Variants in GNB1L observed in about 807,000 individuals in gnomAD.
The protein encoded by GNB1L is G protein subunit beta 1 like, also known as guanine nucleotide-binding protein subunit beta-like protein 1.
GNB1L carries 20 observed loss-of-function variants against 29.1 expected under a neutral mutation model. That is an observed-to-expected ratio of 0.69 (90% confidence interval 0.48 to 1.00). The LOEUF is 1.00. Among genes scored for constraint, GNB1L ranks in the 50% least tolerant of loss-of-function variants. GNB1L has a pLI of 0.00. For synonymous variants in GNB1L, 193 were observed against 206.5 expected (o/e 0.93, Z 0.56); for missense variants, 421 against 464.9 (o/e 0.91, Z 0.87).
intron 2 of GNB1L, among the ~76,000 whole-genome samples, chr22:19,840,681 G>A (rs1004456323): frequency 6.6e-6 from 1 of 152,058 alleles, no homozygotes; most frequent in Non-Finnish European, 1.5e-5. Context: ...ATGGTGGCAC[G>A]TGCCTGTAAT....
At chr22:19,810,835 C>T (rs1488416863) in intron 5 of GNB1L, among the ~76,000 whole-genome samples, 1 of 152,206 alleles carries the variant, frequency 6.6e-6, no homozygotes, top group Non-Finnish European at 1.5e-5. Flanking sequence ...GGTCCCCAGA[C>T]AGGCTGCCCC....
At chr22:19,838,074 T>A (rs1937796129) in intron 2 of GNB1L, among the ~76,000 whole-genome samples, 1 of 152,246 alleles carries the variant, frequency 6.6e-6, no homozygotes, top group Non-Finnish European at 1.5e-5. Context: ...GCCGCACTTG[T>A]CAAACTGTCC....
In GNB1L at chr22:19,802,167, G is replaced by A. The variant is rs376821599; in HGVS notation, c.566C>T (p.Ser189Leu). The A allele has an allele frequency of 1.2e-5, 20 of 1,613,190 alleles. No homozygotes were observed. Among genetic ancestry groups the A allele is most frequent in the Non-Finnish European group, 1.6e-5 (19 of 1,180,018 alleles). Residue 189 changes from serine to leucine, a missense_variant, in exon 7 of 8, where the codon TCG (serine) becomes TTG (leucine). Ser to Leu is a moderately radical substitution (Grantham distance 145). Coordinates refer to ENST00000329517, the MANE Select transcript of GNB1L (RefSeq NM_053004.3). ...PLLLAGYEDG[S>L]VVLWDVSEQK... ...CTCAGAGACGTCCCACAGGACCACC[G>A]ATCCATCCTCATAGCCGGCCAGAAG...
chr22:19,833,821 A>T (rs1050688418), intron 2 of GNB1L, among the ~76,000 whole-genome samples: 11 of 151,958 alleles, frequency 7.2e-5, no homozygotes, highest in Non-Finnish European at 1.3e-4. Context: ...AGCCGATATC[A>T]TACCACGGCA....
chr22:19,814,009 C>G (rs1056950603), intron 4 of GNB1L, among the ~76,000 whole-genome samples: 1 of 151,970 alleles, frequency 6.6e-6, no homozygotes, highest in African/African-American at 2.4e-5. Flanking sequence ...AAAAAAGGAT[C>G]GGGGATGTCA....
chr22:19,849,590 C>T, intron 2 of GNB1L: 1 of 652,092 alleles, frequency 1.5e-6, no homozygotes, highest in Non-Finnish European at 1.9e-6. Context: ...TGGTCTTGAA[C>T]TCCTGACCTC....
At chr22:19,837,188 G>T (rs191927113) in intron 2 of GNB1L, among the ~76,000 whole-genome samples, 3 of 152,104 alleles carry the variant, frequency 2.0e-5, no homozygotes, top group Non-Finnish European at 4.4e-5. Context: ...GGATGGTGTT[G>T]ATCTCCTGAC....
At chr22:19,811,371 C>T (rs762357932) in intron 5 of GNB1L, among the ~76,000 whole-genome samples, 3 of 152,112 alleles carry the variant, frequency 2.0e-5, no homozygotes, top group African/African-American at 4.8e-5. Flanking sequence ...CCCACGTGTG[C>T]GCCCCCTATT....
intron 2 of GNB1L, 72 bp from the exon 3 acceptor site, chr22:19,821,447 A>C: frequency 1.4e-6 from 2 of 1,434,518 alleles, no homozygotes; most frequent in South Asian, 2.5e-5. Context: ...GCTCAGGCAC[A>C]GGGGTGCTTG....
At chr22:19,848,977 C>T (rs1451598483) in intron 2 of GNB1L, 8 of 985,484 alleles carry the variant, frequency 8.1e-6, no homozygotes, top group Non-Finnish European at 9.6e-6. Context: ...AGCCAGGCCA[C>T]AGTGCACTGG....
At chr22:19,822,673 A>G (rs942970144) in intron 2 of GNB1L, among the ~76,000 whole-genome samples, 3 of 152,208 alleles carry the variant, frequency 2.0e-5, no homozygotes, top group Admixed American at 6.5e-5. Flanking sequence ...CAAGGCAGGG[A>G]GGATGGCCCA....
In GNB1L at chr22:19,806,626, G is replaced by A. The variant is rs577770925; in HGVS notation, c.516+33C>T. ...ATGACTCATGGCCGTGGGTGTGGCCGGCAGGGCGTGGCTGGTGCACGCGGG... is the reference window on the plus strand; with the variant it reads ...ATGACTCATGGCCGTGGGTGTGGCCAGCAGGGCGTGGCTGGTGCACGCGGG... On this transcript the variant is annotated intron_variant, in intron 6 of 7. Coordinates refer to ENST00000329517, the MANE Select transcript of GNB1L (RefSeq NM_053004.3). The A allele has an allele frequency of 5.7e-5, 78 of 1,374,438 alleles. No individual in the cohort carries two copies. The South Asian group carries it at 6.4e-4, about 11-fold the overall frequency. 85.1% of individuals were successfully genotyped at this position (1,374,438 alleles called of 1,614,324 possible). A position where few individuals can be genotyped will look rare whatever the true frequency, so the allele number is the denominator to read the frequency against.
chr22:19,800,167 G>T (rs931300302), intron 7 of GNB1L, among the ~76,000 whole-genome samples: 1 of 152,170 alleles, frequency 6.6e-6, no homozygotes, highest in Non-Finnish European at 1.5e-5. Flanking sequence ...TCATCAATCC[G>T]GTCAAGTTCA....
intron 2 of GNB1L, chr22:19,850,652 G>A: frequency 4.9e-6 from 6 of 1,227,796 alleles, no homozygotes; most frequent in Non-Finnish European, 6.1e-6. Flanking sequence ...ACTTCCTCCA[G>A]GCAGCCTTCC....
In GNB1L at chr22:19,825,380, G is replaced by A. The variant is rs566733259; in HGVS notation, c.-20-4005C>T. 3.9e-5 allele frequency among the ~76,000 whole-genome samples: 6 copies of A among 152,364 alleles called. No homozygotes were observed. The East Asian group carries it at 1.2e-3, about 29-fold the overall frequency. ...CATGCCTATAATCTCAGCACTTTGG[G>A]AGGCCGAGGTGGGAGGATTGCTTGA... On this transcript the variant is annotated intron_variant, in intron 2 of 7. Coordinates refer to ENST00000329517, the MANE Select transcript of GNB1L (RefSeq NM_053004.3).
intron 2 of GNB1L, among the ~76,000 whole-genome samples, chr22:19,838,615 G>A (rs550863887): frequency 2.2e-4 from 33 of 151,882 alleles, no homozygotes; most frequent in East Asian, 7.7e-4. Context: ...GATTACAGAC[G>A]CCTGCCACCG....
intron 7 of GNB1L, among the ~76,000 whole-genome samples, chr22:19,795,772 G>T (rs1028009594): frequency 2.0e-5 from 3 of 152,226 alleles, no homozygotes; most frequent in African/African-American, 7.2e-5. Flanking sequence ...ATTCTCAGCA[G>T]CCCAGGGAGG....
At chr22:19,844,491 A>G (rs1373016358) in intron 2 of GNB1L, among the ~76,000 whole-genome samples, 1 of 152,230 alleles carries the variant, frequency 6.6e-6, no homozygotes, top group Non-Finnish European at 1.5e-5. Context: ...CTCCACAGTC[A>G]GCAGGGGCGC....
In GNB1L at chr22:19,795,915, C is replaced by T. The variant is rs150845020; in HGVS notation, c.732+6086G>A. 3.4e-3 allele frequency among the ~76,000 whole-genome samples: 512 copies of T among 152,176 alleles called. 3 individuals are homozygous for T. The highest frequency in any genetic ancestry group is 5.4e-3 in the Non-Finnish European group (366 of 67,998). Reference sequence around the variant, plus strand: ...CTGCCTGAGGAATCCCTAAAGGATGCGCTTTTTGGCTTCCAGAAGGAGGTC... The same window carrying T: ...CTGCCTGAGGAATCCCTAAAGGATGTGCTTTTTGGCTTCCAGAAGGAGGTC... On this transcript the variant is annotated intron_variant, in intron 7 of 7. Transcript: ENST00000329517.
Sources: allele counts gnomAD v4.1 joint callset (sites outside exome capture counted in the v4.1 genomes callset), GRCh38; gene constraint gnomAD v4.1.1; transcripts MANE v1.5; gene names NCBI Gene and HGNC (gene_info 2026-07-23, HGNC 2026-07-21).